Variants in SPOP observed in about 807,000 individuals in gnomAD.
The protein encoded by SPOP is speckle type BTB/POZ protein.
A neutral mutation model predicts 45.6 loss-of-function variants in SPOP; 11 were observed. That is an observed-to-expected ratio of 0.24 (90% CI 0.15 to 0.40). SPOP has a LOEUF of 0.40. Ranked by LOEUF, SPOP falls within the 10% of genes least tolerant of loss-of-function variation. The pLI is 1.00. For missense variants in SPOP, 152 were observed against 465.6 expected, an observed-to-expected ratio of 0.33 and a Z score of 6.20; for synonymous variants, 166 against 166.3, an observed-to-expected ratio of 1.00 and a Z score of 0.01.
chr17:49,622,183 A>G, intron 2 of SPOP, 116 bp from the exon 3 acceptor site: 1 of 1,354,162 alleles, frequency 7.4e-7, no homozygotes, highest in Middle Eastern at 1.8e-4. Flanking sequence ...ATAGGAAGAT[A>G]GCAGTTTTCA....
chr17:49,657,556 G>A (rs894546097), intron 1 of SPOP, among the ~76,000 whole-genome samples: 3 of 150,196 alleles, frequency 2.0e-5, no homozygotes, highest in Non-Finnish European at 3.0e-5. Flanking sequence ...CCGCCACCAC[G>A]CCCAGCTAAT....
intron 5 of SPOP, among the ~76,000 whole-genome samples, chr17:49,616,662 G>A (rs1015543435): frequency 4.6e-5 from 7 of 152,104 alleles, no homozygotes; most frequent in Non-Finnish European, 8.8e-5. Context: ...GTCTTGCAAC[G>A]CTGAATGCTA....
At chr17:49,653,620 A>G (rs1277392596) in intron 1 of SPOP, among the ~76,000 whole-genome samples, 1 of 151,796 alleles carries the variant, frequency 6.6e-6, no homozygotes, top group Non-Finnish European at 1.5e-5. Flanking sequence ...ATTGCCCTCC[A>G]AAATATATCA....
intron 1 of SPOP, among the ~76,000 whole-genome samples, chr17:49,663,762 A>G (rs1247529117): frequency 6.6e-6 from 1 of 152,220 alleles, no homozygotes; most frequent in Non-Finnish European, 1.5e-5. Flanking sequence ...TTAGACATGA[A>G]TATTTAGCAG....
chr17:49,601,610 C>G (rs112342103), intron 9 of SPOP: 4 of 382,912 alleles, frequency 1.0e-5, no homozygotes, highest in Admixed American at 8.1e-5. Context: ...TTGGGGCATA[C>G]AGCTTTTTCA....
intron 1 of SPOP, among the ~76,000 whole-genome samples, chr17:49,631,843 T>C (rs561611341): frequency 3.1e-4 from 47 of 152,340 alleles, no homozygotes; most frequent in African/African-American, 1.0e-3. Context: ...AATGAAGTTA[T>C]CTTCAGAGGA....
intron 1 of SPOP, among the ~76,000 whole-genome samples, chr17:49,628,249 A>G (rs1217279852): frequency 1.3e-5 from 2 of 152,228 alleles, no homozygotes; most frequent in African/African-American, 4.8e-5. Flanking sequence ...CTGAACATAT[A>G]CCACCATTTA....
At chr17:49,654,046 C>T (rs1212176860) in intron 1 of SPOP, among the ~76,000 whole-genome samples, 3 of 152,132 alleles carry the variant, frequency 2.0e-5, no homozygotes, top group Non-Finnish European at 2.9e-5. Context: ...TTTAAATGTA[C>T]AACTAAATTC....
intron 8 of SPOP, among the ~76,000 whole-genome samples, chr17:49,604,784 G>A (rs146478852): frequency 2.8e-4 from 42 of 152,232 alleles, no homozygotes; most frequent in Middle Eastern, 3.4e-3. Flanking sequence ...GGCCTAGAAG[G>A]GCAGACCATT....
chr17:49,651,555 C>G (rs2072843237), intron 1 of SPOP, among the ~76,000 whole-genome samples: 1 of 152,196 alleles, frequency 6.6e-6, no homozygotes, highest in Non-Finnish European at 1.5e-5. Flanking sequence ...TAAAACAGCA[C>G]AGACATAATT....
intron 1 of SPOP, among the ~76,000 whole-genome samples, chr17:49,627,966 C>A (rs920225317): frequency 2.6e-5 from 4 of 152,176 alleles, no homozygotes; most frequent in Admixed American, 2.0e-4. Flanking sequence ...ATAGCAGGAA[C>A]CATGGGCAAA....
intron 1 of SPOP, among the ~76,000 whole-genome samples, chr17:49,630,902 T>G (rs1283629003): frequency 6.6e-6 from 1 of 152,220 alleles, no homozygotes; most frequent in African/African-American, 2.4e-5. Context: ...CCAATGGTTC[T>G]TAAATATATG....
intron 7 of SPOP, among the ~76,000 whole-genome samples, chr17:49,607,610 T>C (rs1282450267): frequency 1.3e-5 from 2 of 152,178 alleles, no homozygotes; most frequent in Admixed American, 6.5e-5. Context: ...CACCTTTCTT[T>C]TCCTCAGTTT....
intron 1 of SPOP, among the ~76,000 whole-genome samples, chr17:49,670,117 C>T (rs775399410): frequency 6.6e-6 from 1 of 152,196 alleles, no homozygotes; most frequent in Non-Finnish European, 1.5e-5. Context: ...TCTCCCAAAG[C>T]TGCATGACCA....
In SPOP at chr17:49,677,923, C is replaced by T. The variant is rs1375045581; in HGVS notation, c.-67+10G>A. On this transcript the variant is annotated intron_variant, in intron 1 of 9. Coordinates refer to ENST00000504102, the MANE Select transcript of SPOP (RefSeq NM_001007228.2). ...CAACCCCCTCCCTCGACTCTCCTCC[C>T]CCCACTCACCTGAGAGCGGCGGCGA... is the stretch of plus-strand genomic sequence containing the variant. 3 of 383,024 alleles carry T rather than the reference C, an allele frequency of 7.8e-6. No individual in the cohort carries two copies. The highest frequency in any genetic ancestry group is 1.4e-5 in the Non-Finnish European group (3 of 216,496). The allele number at this position is 383,024 out of a possible 1,614,324, so 23.7% of individuals were successfully genotyped here. A position where few individuals can be genotyped will look rare whatever the true frequency, so the allele number is the denominator to read the frequency against.
chr17:49,620,901 T>C (rs1292550094), intron 3 of SPOP, among the ~76,000 whole-genome samples: 1 of 152,240 alleles, frequency 6.6e-6, no homozygotes, highest in African/African-American at 2.4e-5. Flanking sequence ...ACCTTGCTAA[T>C]GATGAGGATT....
intron 1 of SPOP, among the ~76,000 whole-genome samples, chr17:49,655,172 T>C (rs1180853468): frequency 2.0e-5 from 3 of 152,146 alleles, no homozygotes; most frequent in Non-Finnish European, 2.9e-5. Context: ...ATTTTCCATA[T>C]TAAAGGATGT....
At chr17:49,616,885 C>A (rs1271423378) in intron 5 of SPOP, among the ~76,000 whole-genome samples, 5 of 152,230 alleles carry the variant, frequency 3.3e-5, no homozygotes, top group African/African-American at 1.2e-4. Flanking sequence ...CATCTCACTT[C>A]CCATCTAAGT....
At chr17:49,622,605 T>C (rs1325740453) in intron 2 of SPOP, 128 bp downstream of exon 2, 4 of 768,198 alleles carry the variant, frequency 5.2e-6, no homozygotes, top group South Asian at 1.7e-5. Context: ...AAGTATCTTA[T>C]CTATCTGCTC....
Sources: allele counts gnomAD v4.1 joint callset (sites outside exome capture counted in the v4.1 genomes callset), GRCh38; gene constraint gnomAD v4.1.1; transcripts MANE v1.5; gene names NCBI Gene and HGNC (gene_info 2026-07-23, HGNC 2026-07-21).